Variants in CNTN6 observed in about 807,000 individuals in gnomAD.
CNTN6 encodes contactin 6.
Under a neutral mutation model 122.8 loss-of-function variants are expected in CNTN6, and 137 were observed. The ratio of observed to expected loss-of-function variants is 1.12; its 90% CI spans 0.97 to 1.29. The LOEUF is 1.29. Ranked by LOEUF, CNTN6 falls within the 50% of genes most tolerant of loss-of-function variation. CNTN6 has a pLI of 0.00. For missense variants in CNTN6, 1,634 were observed against 1,223.4 expected (o/e 1.34, Z -5.01); for synonymous variants, 570 against 426.0 (o/e 1.34, Z -4.16).
At chr3:1,300,048 C>G (rs1450296054) in intron 7 of CNTN6, among the ~76,000 whole-genome samples, 1 of 152,014 alleles carries the variant, frequency 6.6e-6, no homozygotes, top group Non-Finnish European at 1.5e-5. Flanking sequence ...TTGATCTCAG[C>G]TCACTGCAAG....
intron 19 of CNTN6, among the ~76,000 whole-genome samples, 164 bp downstream of exon 19, chr3:1,383,572 T>C (rs1692273799): frequency 2.6e-5 from 4 of 152,104 alleles, no homozygotes; most frequent in Admixed American, 2.6e-4. Context: ...AGCCCCCACA[T>C]TGAGAGGCTT....
intron 4 of CNTN6, among the ~76,000 whole-genome samples, chr3:1,273,311 T>C (rs564276592): frequency 2.3e-4 from 35 of 152,346 alleles, no homozygotes; most frequent in African/African-American, 7.5e-4. Flanking sequence ...GATCTCATTC[T>C]AAGCAATTTT....
At chr3:1,326,398 C>T (rs1438590760) in intron 9 of CNTN6, among the ~76,000 whole-genome samples, 1 of 151,772 alleles carries the variant, frequency 6.6e-6, no homozygotes, top group East Asian at 1.9e-4. Flanking sequence ...GGTTAGGCTA[C>T]TTGTTTAAGG....
At chr3:1,308,788 A>G (rs1698768047) in intron 7 of CNTN6, among the ~76,000 whole-genome samples, 1 of 151,630 alleles carries the variant, frequency 6.6e-6, no homozygotes, top group African/African-American at 2.4e-5. Context: ...AGCATTTGAT[A>G]TTGTGTGTGT....
intron 12 of CNTN6, among the ~76,000 whole-genome samples, chr3:1,352,833 A>G (rs1705871807): frequency 1.3e-5 from 2 of 151,914 alleles, no homozygotes; most frequent in African/African-American, 2.4e-5. Context: ...ACATGTATAT[A>G]AGGCTACCAA....
intron 7 of CNTN6, among the ~76,000 whole-genome samples, chr3:1,315,313 A>G (rs1310299784): frequency 6.6e-6 from 1 of 152,052 alleles, no homozygotes; most frequent in Non-Finnish European, 1.5e-5. Context: ...CAGAGTCTAA[A>G]AAGAATGCTG....
chr3:1,164,983 G>C (rs1360034571), intron 2 of CNTN6, among the ~76,000 whole-genome samples: 1 of 152,202 alleles, frequency 6.6e-6, no homozygotes, highest in Non-Finnish European at 1.5e-5. Context: ...GCATGCATTG[G>C]AGGGTATTGG....
chr3:1,325,649 A>G (rs1701428236), intron 8 of CNTN6, among the ~76,000 whole-genome samples, 166 bp from the exon 9 acceptor site: 1 of 151,830 alleles, frequency 6.6e-6, no homozygotes, highest in South Asian at 2.1e-4. Context: ...GATTTCTGTC[A>G]ACCCGCATTG....
rs1417123424 is a variant in CNTN6, at chr3:1,295,697, C to T, written c.551C>T (p.Ala184Val). ...VSQETGNLYIAKVEPSDVGNY... is the reference protein window; with the variant it reads ...VSQETGNLYIVKVEPSDVGNY... ...CAAGAGACGGGAAACTTGTACATTGCCAAAGTGGAACCATCAGATGTGGGC... is the reference window on the plus strand; with the variant it reads ...CAAGAGACGGGAAACTTGTACATTGTCAAAGTGGAACCATCAGATGTGGGC... Residue 184 changes from alanine (A) to valine (V), a missense_variant, in exon 6 of 23, where the codon GCC (alanine) becomes GTC (valine). Transcript: ENST00000446702. 25 of 1,613,844 alleles carry T rather than the reference C, an allele frequency of 1.5e-5. No individual in the cohort carries two copies. The highest frequency in any genetic ancestry group is 2.1e-5 in the Non-Finnish European group (25 of 1,179,892).
chr3:1,189,201 T>C (rs1312896260), intron 2 of CNTN6, among the ~76,000 whole-genome samples: 1 of 152,142 alleles, frequency 6.6e-6, no homozygotes, highest in Non-Finnish European at 1.5e-5. Context: ...AGTTTATAAT[T>C]GTTGGTGCCA....
intron 4 of CNTN6, among the ~76,000 whole-genome samples, chr3:1,236,338 T>C (rs1311661225): frequency 2.6e-5 from 4 of 151,948 alleles, no homozygotes; most frequent in Non-Finnish European, 5.9e-5. Context: ...TTCACTTCAC[T>C]CCCCTACTAC....
chr3:1,270,755 C>T (rs896508973), intron 4 of CNTN6, among the ~76,000 whole-genome samples: 5 of 152,054 alleles, frequency 3.3e-5, no homozygotes, highest in Admixed American at 6.6e-5. Context: ...TTTGAAGTGA[C>T]CAATAATTGA....
At chr3:1,156,403 T>C (rs921046198) in intron 2 of CNTN6, among the ~76,000 whole-genome samples, 1 of 152,224 alleles carries the variant, frequency 6.6e-6, no homozygotes, top group African/African-American at 2.4e-5. Context: ...GAGAAATATA[T>C]AGTATTTACA....
At chr3:1,193,714 C>T (rs1243743944) in intron 2 of CNTN6, among the ~76,000 whole-genome samples, 1 of 152,090 alleles carries the variant, frequency 6.6e-6, no homozygotes, top group Non-Finnish European at 1.5e-5. Context: ...CAGTCCACTA[C>T]AGGTAGTGCT....
At chr3:1,102,330 C>T (rs954438711) in intron 1 of CNTN6, among the ~76,000 whole-genome samples, 1 of 152,208 alleles carries the variant, frequency 6.6e-6, no homozygotes, top group Non-Finnish European at 1.5e-5. Context: ...TGATTTTCCT[C>T]TCTGGCATCT....
intron 20 of CNTN6, among the ~76,000 whole-genome samples, chr3:1,388,580 TGA>T (rs1460669503): frequency 6.7e-6 from 1 of 150,282 alleles, no homozygotes; most frequent in African/African-American, 2.5e-5. Context: ...TTTGACGAGC[TGA>T]GAGAAGAAGG....
intron 11 of CNTN6, among the ~76,000 whole-genome samples, chr3:1,338,480 A>G (rs574158055): frequency 7.4e-4 from 113 of 152,278 alleles, no homozygotes; most frequent in African/African-American, 2.6e-3. Flanking sequence ...TGGTGCACAC[A>G]TATCTACTTA....
At chr3:1,153,556 A>G (rs186844041) in intron 2 of CNTN6, among the ~76,000 whole-genome samples, 2 of 152,346 alleles carry the variant, frequency 1.3e-5, no homozygotes, top group Admixed American at 6.5e-5. Context: ...GTATTTTTAC[A>G]TAGCTTACTT....
At chr3:1,377,188 G>T in intron 17 of CNTN6, 113 bp downstream of exon 17, 1 of 650,810 alleles carries the variant, frequency 1.5e-6, no homozygotes, top group Non-Finnish European at 2.5e-6. Context: ...AAAAAATATG[G>T]TATAAAAATA....
Sources: allele counts gnomAD v4.1 joint callset (sites outside exome capture counted in the v4.1 genomes callset), GRCh38; gene constraint gnomAD v4.1.1; transcripts MANE v1.5; gene names NCBI Gene and HGNC (gene_info 2026-07-23, HGNC 2026-07-21).